Variants in KDM4C observed in about 807,000 individuals in gnomAD.
The protein encoded by KDM4C is lysine-specific demethylase 4C.
KDM4C carries 81 observed loss-of-function variants against 129.3 expected under a neutral mutation model. That is an observed-to-expected ratio of 0.63 (90% CI 0.52 to 0.75). The LOEUF is 0.75. KDM4C is among the 30% of genes least tolerant of loss of function. The pLI is 0.00. For missense variants in KDM4C, 1,457 were observed against 1,304.0 expected (o/e 1.12, Z -1.81); for synonymous variants, 573 against 456.1 (o/e 1.26, Z -3.26).
At position 7,049,207 on chromosome 9, in the gene KDM4C, G is replaced by T; in HGVS notation, c.2424+7G>T. The stretch of plus-strand genomic sequence containing the variant: ...TTTACAGAGGTTAAAATTGGTGAGT[G>T]GCAAAGCTTCTTTTTTACCTCATAA... On this transcript the variant is annotated splice_region_variant and intron_variant, in intron 17 of 21. Coordinates refer to ENST00000381309, the MANE Select transcript of KDM4C (RefSeq NM_015061.6). The T allele has an allele frequency of 6.8e-7, 1 of 1,477,626 alleles. No individual in the cohort carries two copies. Among genetic ancestry groups the T allele is most frequent in the Non-Finnish European group, 9.4e-7 (1 of 1,063,866 alleles). 91.5% of individuals were successfully genotyped at this position (1,477,626 alleles called of 1,614,324 possible). A position where few individuals can be genotyped will look rare whatever the true frequency, so the allele number is the denominator to read the frequency against.
At chr9:6,854,700 T>C (rs1263106531) in intron 5 of KDM4C, among the ~76,000 whole-genome samples, 1 of 152,136 alleles carries the variant, frequency 6.6e-6, no homozygotes, top group Non-Finnish European at 1.5e-5. Flanking sequence ...TTTTGGACAT[T>C]GTTAAATTTC....
chr9:6,910,492 A>G (rs968939744), intron 8 of KDM4C, among the ~76,000 whole-genome samples: 6 of 152,242 alleles, frequency 3.9e-5, no homozygotes, highest in African/African-American at 1.4e-4. Flanking sequence ...TCACTAAAGC[A>G]GAAATATAGT....
At chr9:7,031,743 A>G (rs1378500322) in intron 15 of KDM4C, among the ~76,000 whole-genome samples, 1 of 152,162 alleles carries the variant, frequency 6.6e-6, no homozygotes, top group Non-Finnish European at 1.5e-5. Context: ...GCATCTGCAT[A>G]TTAAGTAATG....
intron 8 of KDM4C, among the ~76,000 whole-genome samples, chr9:6,944,651 G>GTTT: frequency 4.2e-5 from 2 of 47,486 alleles, no homozygotes; most frequent in Admixed American, 2.4e-4. Flanking sequence ...TCAAGGTAGA[G>GTTT]GTTTTTTTTT....
intron 1 of KDM4C, among the ~76,000 whole-genome samples, chr9:6,778,789 C>G (rs572823448): frequency 2.9e-4 from 42 of 146,814 alleles, no homozygotes; most frequent in Non-Finnish European, 4.3e-4. Flanking sequence ...TTGTGAGATT[C>G]GTCTATCTAG....
At chr9:7,039,413 A>G (rs1828187413) in intron 15 of KDM4C, among the ~76,000 whole-genome samples, 1 of 151,980 alleles carries the variant, frequency 6.6e-6, no homozygotes, top group Non-Finnish European at 1.5e-5. Flanking sequence ...GTTGATTTCT[A>G]AAAATATAAT....
intron 4 of KDM4C, among the ~76,000 whole-genome samples, chr9:6,825,403 A>G (rs967513077): frequency 1.2e-4 from 19 of 152,230 alleles, no homozygotes; most frequent in Admixed American, 6.5e-5. Context: ...ATAGCAAAAG[A>G]TGACTTATCT....
chr9:7,158,590 C>T (rs1036796842), intron 19 of KDM4C, among the ~76,000 whole-genome samples: 5 of 152,152 alleles, frequency 3.3e-5, no homozygotes, highest in Admixed American at 1.3e-4. Flanking sequence ...GCCTTCATTT[C>T]GTTGTTTACC....
chr9:6,771,109 T>TTTTTTTA (rs1821747189), intron 1 of KDM4C, among the ~76,000 whole-genome samples: 1 of 122,576 alleles, frequency 8.2e-6, no homozygotes, highest in African/African-American at 3.1e-5. Context: ...TTTTTTTTTT[T>TTTTTTTA]AAGAGATGAG....
intron 1 of KDM4C, among the ~76,000 whole-genome samples, chr9:6,783,745 T>C (rs1824868871): frequency 6.6e-6 from 1 of 152,090 alleles, no homozygotes; most frequent in Non-Finnish European, 1.5e-5. Flanking sequence ...GCAGAAGGGT[T>C]GGTAAGAGGA....
intron 8 of KDM4C, among the ~76,000 whole-genome samples, chr9:6,916,860 A>G (rs192197105): frequency 3.6e-4 from 55 of 152,348 alleles, no homozygotes; most frequent in African/African-American, 1.3e-3. Context: ...TTTCAAAGCA[A>G]CAGCACTGTA....
chr9:6,938,614 T>A (rs892536795), intron 8 of KDM4C, among the ~76,000 whole-genome samples: 4 of 152,194 alleles, frequency 2.6e-5, no homozygotes, highest in African/African-American at 9.7e-5. Flanking sequence ...TCTCCCTGAT[T>A]TTTATAGCTT....
chr9:6,947,210 G>A (rs1827127559), intron 8 of KDM4C, among the ~76,000 whole-genome samples: 1 of 152,002 alleles, frequency 6.6e-6, no homozygotes. Flanking sequence ...CCGTACTTCT[G>A]TTCTGATTTT....
At chr9:6,772,692 CTT>C (rs111924156) in intron 1 of KDM4C, among the ~76,000 whole-genome samples, 10,569 of 126,440 alleles carry the variant, frequency 0.084, 415 homozygotes, top group Non-Finnish European at 0.1. Context: ...TTTTCTTTTA[CTT>C]TTTTTTTTTT....
chr9:7,016,892 G>A (rs1469019535), intron 15 of KDM4C, among the ~76,000 whole-genome samples: 1 of 152,048 alleles, frequency 6.6e-6, no homozygotes, highest in Admixed American at 6.6e-5. Flanking sequence ...AGTCAAGGTG[G>A]GGGATCCTCA....
intron 2 of KDM4C, among the ~76,000 whole-genome samples, chr9:6,804,853 A>T (rs757704060): frequency 6.6e-6 from 1 of 152,150 alleles, no homozygotes; most frequent in African/African-American, 2.4e-5. Flanking sequence ...ATATTCAATA[A>T]AGATGAACTT....
chr9:6,942,734 T>C (rs1826184404), intron 8 of KDM4C: 1 of 152,240 alleles, frequency 6.6e-6, no homozygotes, highest in African/African-American at 2.4e-5. Context: ...CACGTAGTAG[T>C]GATCTGCCTT....
chr9:7,154,088 G>C (rs540156793), intron 19 of KDM4C, among the ~76,000 whole-genome samples: 2 of 152,180 alleles, frequency 1.3e-5, no homozygotes, highest in Non-Finnish European at 2.9e-5. Flanking sequence ...GCTGGGGAAG[G>C]GAGTGTCTGG....
At chr9:7,067,841 G>A (rs767176743) in intron 17 of KDM4C, among the ~76,000 whole-genome samples, 1 of 152,028 alleles carries the variant, frequency 6.6e-6, no homozygotes, top group Admixed American at 6.6e-5. Flanking sequence ...TGTTGCCCAG[G>A]ATGGAGTGCA....
Sources: allele counts gnomAD v4.1 joint callset (sites outside exome capture counted in the v4.1 genomes callset), GRCh38; gene constraint gnomAD v4.1.1; transcripts MANE v1.5; gene names NCBI Gene and HGNC (gene_info 2026-07-23, HGNC 2026-07-21).